MAGED1: variants seen among roughly 807,000 people sequenced by gnomAD.
The protein encoded by MAGED1 is MAGE family member D1.
MAGED1 carries 3 observed loss-of-function variants against 54.1 expected under a neutral mutation model. That is an observed-to-expected ratio of 0.06 (90% CI 0.03 to 0.14). The LOEUF is 0.14. Among genes scored for constraint, MAGED1 ranks in the 10% least tolerant of loss-of-function variants. The pLI, the probability that MAGED1 is intolerant of heterozygous loss-of-function variation, is 1.00. For synonymous variants in MAGED1, 217 were observed against 227.3 expected (o/e 0.95, Z 0.41); for missense variants, 485 against 623.4 (o/e 0.78, Z 2.36).
intron 9 of MAGED1, 50 bp from the exon 10 acceptor site, chrX:51,898,531 T>C: frequency 9.0e-7 from 1 of 1,112,944 alleles, no homozygotes; most frequent in South Asian, 2.0e-5. Context: ...GGAAAGCTCT[T>C]TGGGCATGGT....
intron 1 of MAGED1, among the ~76,000 whole-genome samples, chrX:51,810,761 G>T (rs1557355472): frequency 9.0e-6 from 1 of 111,505 alleles, no homozygotes; most frequent in Non-Finnish European, 1.9e-5. Flanking sequence ...AGTAAATGAG[G>T]TATGAAGGTA....
intron 1 of MAGED1, among the ~76,000 whole-genome samples, chrX:51,832,353 C>T (rs891444394): frequency 1.8e-5 from 2 of 111,268 alleles, no homozygotes; most frequent in South Asian, 3.8e-4. Context: ...TTTAAATATG[C>T]GATAAATTAT....
intron 1 of MAGED1, among the ~76,000 whole-genome samples, chrX:51,831,247 TTACACTGA>T (rs1926056154): frequency 8.9e-6 from 1 of 112,750 alleles, no homozygotes; most frequent in African/African-American, 3.2e-5. Flanking sequence ...CCTAACAAAG[TTACACTGA>T]GATGCAAGTA....
At chrX:51,893,100 C>T (rs1928509853), upstream of MAGED1, among the ~76,000 whole-genome samples, 1 of 110,470 alleles carries the variant, frequency 9.1e-6, no homozygotes, top group African/African-American at 3.3e-5. Flanking sequence ...AGGGAGAAAT[C>T]ATGGAGTCAC....
chrX:51,894,749 C>G, intron 2 of MAGED1: 2 of 1,154,641 alleles, frequency 1.7e-6, no homozygotes, highest in Non-Finnish European at 2.3e-6. Context: ...ATCCGCCTGC[C>G]GTCCTGAGCT....
At chrX:51,804,294 G>A (rs1345924802) in intron 1 of MAGED1, among the ~76,000 whole-genome samples, 1 of 111,719 alleles carries the variant, frequency 9.0e-6, no homozygotes, top group African/African-American at 3.3e-5. Flanking sequence ...TGAATAAGCA[G>A]TGGACTCCTT....
intron 1 of MAGED1, among the ~76,000 whole-genome samples, chrX:51,831,825 G>T (rs1926080289): frequency 9.1e-6 from 1 of 109,996 alleles, no homozygotes; most frequent in Non-Finnish European, 1.9e-5. Context: ...CTCCCACTTT[G>T]CAGGCTAAAC....
chrX:51,834,498 A>G lies in MAGED1; in HGVS notation c.-37+31381A>G, dbSNP rs782182351. Reference sequence around the variant, plus strand: ...ATCATTGGTGTTGACATTTAAACCAAATTTTGAACTGGAGTCCATCCTGTC... The same window carrying G: ...ATCATTGGTGTTGACATTTAAACCAGATTTTGAACTGGAGTCCATCCTGTC... On this transcript the variant is annotated intron_variant, in intron 1 of 12. Transcript: ENST00000375772. Among the ~76,000 whole-genome samples the G allele has an allele frequency of 5.3e-5, 6 of 112,245 alleles. No homozygotes were observed. The East Asian group carries it at 1.7e-3, about 31-fold the overall frequency.
At chrX:51,823,573 C>T (rs1454448052) in intron 1 of MAGED1, among the ~76,000 whole-genome samples, 2 of 111,173 alleles carry the variant, frequency 1.8e-5, no homozygotes, top group Admixed American at 9.6e-5. Flanking sequence ...CTTTTTTTGT[C>T]GATTTAACTA....
intron 1 of MAGED1, among the ~76,000 whole-genome samples, chrX:51,816,121 T>G (rs1338834548): frequency 9.2e-6 from 1 of 109,217 alleles, no homozygotes; most frequent in African/African-American, 3.3e-5. Flanking sequence ...TTTTGTCTTT[T>G]TTTTTTTTTG....
chrX:51,868,279 TTG>T lies in MAGED1; in HGVS notation c.-36-25976_-36-25975del, dbSNP rs1306251250. Among the ~76,000 whole-genome samples the T allele has an allele frequency of 3.8e-3, 410 of 109,136 alleles. 3 individuals carry two copies. The highest frequency in any genetic ancestry group is 0.011 in the African/African-American group (343 of 30,065). The allele number at this position is 109,136 out of a possible 115,157, so 94.8% of individuals were successfully genotyped here. A position where few individuals can be genotyped will look rare whatever the true frequency, so the allele number is the denominator to read the frequency against. ...CAGGAAAGTAAGTGTGTGTGTGTGTTTGTGTGTGTGTGTGTATGAGAGAATAA... is the reference window on the plus strand; with the variant it reads ...CAGGAAAGTAAGTGTGTGTGTGTGTTTGTGTGTGTGTGTATGAGAGAATAA... On this transcript the variant is annotated intron_variant, in intron 1 of 12. Transcript: ENST00000375772.
At position 51,896,834 on chromosome X, in the gene MAGED1, GGGTCCTCCAGACTGGCAA is replaced by G. The variant is rs1557364345; in HGVS notation, c.1188_1205del (p.Gln399_Trp404del). The G allele has an allele frequency of 8.3e-7, 1 of 1,203,756 alleles. No individual in the cohort carries two copies. Among genetic ancestry groups the G allele is most frequent in the Non-Finnish European group, 1.1e-6 (1 of 891,312 alleles). ...GATGGCAGACCCCACCGGGCTGGCA[GGGTCCTCCAGACTGGCAA>G]GGTCCTCCTGACTGGCCGCTACCAC... On this transcript the variant is annotated inframe_deletion, in exon 4 of 13. Coordinates refer to ENST00000326587, the MANE Select transcript of MAGED1 (RefSeq NM_006986.4).
At position 51,840,777 on chromosome X, in the gene MAGED1, T is replaced by G. The variant is rs1859390816; in HGVS notation, c.-37+37660T>G. On this transcript the variant is annotated intron_variant, in intron 1 of 12. Coordinates refer to the MAGED1 transcript ENST00000375772. ...AAGGACATGAGCTCATCATTTTTTA[T>G]GGCTGCATAGTATTCCATGGTGTAT... 3.6e-5 allele frequency among the ~76,000 whole-genome samples: 4 copies of G among 110,728 alleles called. No homozygotes were observed. In the South Asian group the frequency reaches 1.6e-3, roughly 43 times the overall value.
rs1228844602 is a variant in MAGED1, at chrX:51,840,700, T to C, written c.-37+37583T>C. On this transcript the variant is annotated intron_variant, in intron 1 of 12. Coordinates refer to the MAGED1 transcript ENST00000375772. The stretch of plus-strand genomic sequence containing the variant: ...ACATGTGGTGTTTGGTTTTTTGTCC[T>C]TGCGATAGTTTACTGAGAATGATGA... Among the ~76,000 whole-genome samples the C allele has an allele frequency of 2.6e-4, 28 of 109,254 alleles. No homozygotes were observed. The Admixed American group carries it at 2.7e-3, about 11-fold the overall frequency. The allele number at this position is 109,254 out of a possible 115,157, so 94.9% of individuals were successfully genotyped here.
chrX:51,900,518 A>T (rs1928969433), intron 11 of MAGED1, among the ~76,000 whole-genome samples: 1 of 111,024 alleles, frequency 9.0e-6, no homozygotes, highest in South Asian at 3.8e-4. Flanking sequence ...GTTTTTTTTT[A>T]GGTTTTTAAA....
At chrX:51,836,817 G>A (rs1473526826) in intron 1 of MAGED1, among the ~76,000 whole-genome samples, 3 of 110,607 alleles carry the variant, frequency 2.7e-5, no homozygotes, top group Non-Finnish European at 5.7e-5. Flanking sequence ...CTTGTGATCC[G>A]CCCGCCTCGG....
At chrX:51,877,990 T>C (rs1927934227) in intron 1 of MAGED1, among the ~76,000 whole-genome samples, 1 of 111,765 alleles carries the variant, frequency 8.9e-6, no homozygotes, top group East Asian at 2.8e-4. Flanking sequence ...GAGGTTTATA[T>C]TGATGCTGAA....
chrX:51,828,848 C>T (rs1469207117), intron 1 of MAGED1, among the ~76,000 whole-genome samples: 6 of 110,911 alleles, frequency 5.4e-5, no homozygotes, highest in Admixed American at 3.8e-4. Context: ...ACAAAAATAA[C>T]ATTTTAACAT....
At chrX:51,836,863 C>T (rs1229384985) in intron 1 of MAGED1, among the ~76,000 whole-genome samples, 3 of 111,425 alleles carry the variant, frequency 2.7e-5, no homozygotes, top group African/African-American at 9.8e-5. Flanking sequence ...TATGAGCCAC[C>T]GCGCCTGGCA....
Sources: allele counts gnomAD v4.1 joint callset (sites outside exome capture counted in the v4.1 genomes callset), GRCh38; gene constraint gnomAD v4.1.1; transcripts MANE v1.5; gene names NCBI Gene and HGNC (gene_info 2026-07-23, HGNC 2026-07-21).